Variants in SOD2 observed in about 807,000 individuals in gnomAD.
The protein encoded by SOD2 is superoxide dismutase [Mn], mitochondrial.
In SOD2, 11 loss-of-function variants were observed where a neutral mutation model predicts 27.0. The ratio of observed to expected loss-of-function variants is 0.41; its 90% CI spans 0.26 to 0.67. The LOEUF is 0.67. Among genes scored for constraint, SOD2 ranks in the 30% least tolerant of loss-of-function variants. The pLI, the probability that SOD2 is intolerant of heterozygous loss-of-function variation, is 0.34. For missense variants in SOD2, 250 were observed against 274.5 expected (o/e 0.91, Z 0.63); for synonymous variants, 105 against 103.0 (o/e 1.02, Z -0.12).
At chr6:159,761,887 GCGCCCCGCGCGCCTC>G in exon 1 of SOD2, 1 of 331,752 alleles carries the variant, frequency 3.0e-6, no homozygotes. Flanking sequence ...CCCGCGCCCC[GCGCCCCGCGCGCCTC>G]CGCCCGCCCC....
chr6:159,725,589 T>C (rs1276816306), intron 1 of SOD2: 1 of 150,904 alleles, frequency 6.6e-6, no homozygotes, highest in African/African-American at 2.5e-5. Flanking sequence ...TAGGATTTAC[T>C]TTGTTTCCTT....
At chr6:159,691,974 G>C (rs1777220906) in intron 2 of SOD2, 1 of 152,668 alleles carries the variant, frequency 6.6e-6, no homozygotes, top group African/African-American at 2.4e-5. Flanking sequence ...AGTCAAGTGG[G>C]CTCAGTGAAG....
At chr6:159,684,507 T>C (rs1178000933) in intron 4 of SOD2, among the ~76,000 whole-genome samples, 2 of 151,934 alleles carry the variant, frequency 1.3e-5, no homozygotes, top group South Asian at 2.1e-4. Context: ...ATCCCAGCTA[T>C]TTGGGAGGCT....
At chr6:159,713,776 CT>C in intron 1 of SOD2, 1 of 969,176 alleles carries the variant, frequency 1.0e-6, no homozygotes, top group Non-Finnish European at 1.7e-6. Flanking sequence ...GTTTCTCTGT[CT>C]TTAAAGCCAA....
At chr6:159,727,580 C>A, upstream of SOD2, 5 of 986,734 alleles carry the variant, frequency 5.1e-6, no homozygotes, top group Non-Finnish European at 6.0e-6. Flanking sequence ...GGACTAGGAG[C>A]GCGGCGGGGC....
At chr6:159,686,327 G>A (rs1056893522) in intron 3 of SOD2, among the ~76,000 whole-genome samples, 1 of 152,056 alleles carries the variant, frequency 6.6e-6, no homozygotes, top group African/African-American at 2.4e-5. Context: ...AGTATTAACC[G>A]ATAGTCTAGA....
chr6:159,696,356 T>A (rs1777421439), upstream of SOD2, among the ~76,000 whole-genome samples: 1 of 152,160 alleles, frequency 6.6e-6, no homozygotes, highest in African/African-American at 2.4e-5. Flanking sequence ...AGTCTTGCTT[T>A]GTTGCTGGGC....
upstream of SOD2, among the ~76,000 whole-genome samples, chr6:159,732,254 T>G (rs988060207): frequency 4.6e-5 from 7 of 152,174 alleles, no homozygotes; most frequent in African/African-American, 1.4e-4. Context: ...AGCTGGAATT[T>G]ATATTGAACA....
rs1350104604 is a variant in SOD2 at position 159,674,290 on chromosome 6, C to T, written c.*8203G>A. 1 of 151,944 alleles carries T rather than the reference C, an allele frequency of 6.6e-6. No individual in the cohort carries two copies. The highest frequency in any genetic ancestry group is 1.5e-5 in the Non-Finnish European group (1 of 67,978). 9.4% of individuals were successfully genotyped at this position (151,944 alleles called of 1,614,324 possible). Reference sequence around the variant, plus strand: ...ATACCAAAGCCTGGCAGAGACATAACAAAAAAAGAGAACTTTAGACCAATA... The same window carrying T: ...ATACCAAAGCCTGGCAGAGACATAATAAAAAAAGAGAACTTTAGACCAATA... On this transcript the variant is annotated 3_prime_UTR_variant, in exon 5 of 5. Transcript: ENST00000538183.
chr6:159,708,603 C>T (rs1431664221), intron 1 of SOD2, among the ~76,000 whole-genome samples: 2 of 152,170 alleles, frequency 1.3e-5, no homozygotes, highest in Non-Finnish European at 2.9e-5. Flanking sequence ...CAAACCACTG[C>T]TCAACGAAAT....
In SOD2 at chr6:159,726,952, A is replaced by C. The variant is rs746102190; in HGVS notation, c.-116+177T>G. ...CCGACACGCGGAAGCATCACGGATG[A>C]GCGTCACGAACACAGAGCGGCCAAT... On this transcript the variant is annotated intron_variant, in intron 1 of 2. Transcript: ENST00000401980. 4.3e-5 allele frequency: 56 copies of C among 1,287,612 alleles called. No individual in the cohort carries two copies. In the South Asian group the frequency reaches 6.7e-4, roughly 15 times the overall value. The allele number at this position is 1,287,612 out of a possible 1,614,324, so 79.8% of individuals were successfully genotyped here. A position where few individuals can be genotyped will look rare whatever the true frequency, so the allele number is the denominator to read the frequency against.
intron 3 of SOD2, 81 bp downstream of exon 3, chr6:159,688,045 G>A (rs1780273613): frequency 3.6e-6 from 3 of 838,260 alleles, no homozygotes; most frequent in Non-Finnish European, 2.0e-6. Context: ...CAAAAAACAA[G>A]TATAAGGTAA....
At chr6:159,683,569 A>G (rs1467719283) in intron 4 of SOD2, among the ~76,000 whole-genome samples, 1 of 152,216 alleles carries the variant, frequency 6.6e-6, no homozygotes. Flanking sequence ...GTTGTGAGGG[A>G]GGTCACTAGT....
At chr6:159,744,979 C>T (rs962558099) in intron 1 of SOD2, among the ~76,000 whole-genome samples, 1 of 152,198 alleles carries the variant, frequency 6.6e-6, no homozygotes, top group South Asian at 2.1e-4. Context: ...TCGCACCTGG[C>T]CCATTATCAT....
chr6:159,727,136 G>T (rs1213607386), exon 1 of SOD2: 12 of 1,194,826 alleles, frequency 1.0e-5, no homozygotes, highest in Non-Finnish European at 1.2e-5. Flanking sequence ...TACTGAGCTT[G>T]CTGAGCTCCG....
At chr6:159,727,574 T>G, upstream of SOD2, 1 of 986,952 alleles carries the variant, frequency 1.0e-6, no homozygotes. Flanking sequence ...GCGGCGGGAC[T>G]AGGAGCGCGG....
chr6:159,735,221 A>G (rs1324678032), intron 1 of SOD2, among the ~76,000 whole-genome samples: 1 of 152,006 alleles, frequency 6.6e-6, no homozygotes, highest in Non-Finnish European at 1.5e-5. Context: ...GCTCACTGCA[A>G]CCTCCGCCTC....
At chr6:159,727,017 C>T (rs1778207548) in intron 1 of SOD2, 2 of 1,242,388 alleles carry the variant, frequency 1.6e-6, no homozygotes, top group Admixed American at 2.7e-5. Context: ...CACGAGGCAG[C>T]CCCGCAGCCG....
intron 1 of SOD2, among the ~76,000 whole-genome samples, chr6:159,732,886 AGTGTGTGTGTGTGTGTGTGT>A (rs67554039): frequency 6.8e-6 from 1 of 146,380 alleles, no homozygotes; most frequent in Non-Finnish European, 1.5e-5. Context: ...ATATATATAT[AGTGTGTGTGTGTGTGTGTGT>A]GTGTGTGTGT....
Sources: gnomAD v4.1 joint callset for allele counts (sites outside exome capture counted in the v4.1 genomes callset) on GRCh38, gnomAD v4.1.1 for gene constraint, MANE v1.5 for transcripts, NCBI Gene and HGNC (gene_info 2026-07-23, HGNC 2026-07-21) for gene names.